Variants in SYNE2 observed in about 807,000 individuals in gnomAD.
SYNE2 encodes nesprin-2.
A neutral mutation model predicts 856.3 loss-of-function variants in SYNE2; 431 were observed. The observed-to-expected ratio is 0.50, with a 90% CI of 0.47 to 0.55. The LOEUF is 0.55. Among genes scored for constraint, SYNE2 ranks in the 20% least tolerant of loss-of-function variants. SYNE2 has a pLI of 0.00. For synonymous variants in SYNE2, 2,923 were observed against 2,872.3 expected (o/e 1.02, Z -0.56); for missense variants, 8,129 against 8,023.2 (o/e 1.01, Z -0.50).
intron 113 of SYNE2, 45 bp from the exon 114 acceptor site, chr14:64,224,416 C>T (rs751477666): frequency 1.0e-5 from 16 of 1,549,668 alleles, no homozygotes; most frequent in African/African-American, 2.7e-5. Flanking sequence ...GAAGAATATG[C>T]ATGAAACACA....
intron 1 of SYNE2, among the ~76,000 whole-genome samples, chr14:63,801,014 A>T (rs181524521): frequency 1.3e-5 from 2 of 152,370 alleles, no homozygotes; most frequent in East Asian, 3.9e-4. Context: ...TCAAGGAATT[A>T]TGAAGATAAG....
chr14:63,891,533 T>C (rs1595469121), intron 1 of SYNE2, among the ~76,000 whole-genome samples: 1 of 152,074 alleles, frequency 6.6e-6, no homozygotes, highest in African/African-American at 2.4e-5. Context: ...ATTTCCTTTA[T>C]ACATGTAAAT....
rs2097779175 is a variant in SYNE2 at position 64,107,489 on chromosome 14, A to G, written c.12493-2A>G. 6.2e-7 allele frequency: 1 copy of G among 1,613,194 alleles called. No individual in the cohort carries two copies. The highest frequency in any genetic ancestry group is 8.5e-7 in the Non-Finnish European group (1 of 1,179,104). ...CTGGAGCTCTGATTCTTTTCTTTAC[A>G]GGAAGCATATGGGAAAATAAGCACC... On this transcript the variant is annotated splice_acceptor_variant, in intron 64 of 115. Transcript: ENST00000555002. LOFTEE classifies it high-confidence loss of function.
chr14:64,159,178 C>A, intron 86 of SYNE2, 134 bp from the exon 87 acceptor site: 1 of 1,239,536 alleles, frequency 8.1e-7, no homozygotes, highest in Non-Finnish European at 1.2e-6. Flanking sequence ...GTTTTCTTCA[C>A]ATTCCTAATA....
chr14:64,124,377 ATTTTTTT>A (rs372149959), intron 70 of SYNE2, among the ~76,000 whole-genome samples: 4 of 130,102 alleles, frequency 3.1e-5, no homozygotes, highest in Non-Finnish European at 6.7e-5. Flanking sequence ...TTTTTGTATA[ATTTTTTT>A]TTTTTTTTTT....
intron 1 of SYNE2, among the ~76,000 whole-genome samples, chr14:63,790,345 AAAAG>A (rs1420439654): frequency 6.6e-6 from 1 of 152,038 alleles, no homozygotes; most frequent in Non-Finnish European, 1.5e-5. Flanking sequence ...CAAAAAAAGA[AAAAG>A]GAAGGAAAGA....
At chr14:64,216,111 A>T (rs1308096144) in intron 107 of SYNE2, 137 bp from the exon 108 acceptor site, 3 of 1,548,326 alleles carry the variant, frequency 1.9e-6, no homozygotes, top group Admixed American at 1.9e-5. Context: ...CTTCTGGGAC[A>T]TACTGACATT....
chr14:64,089,064 A>T (rs184678681), intron 58 of SYNE2, among the ~76,000 whole-genome samples: 1 of 152,090 alleles, frequency 6.6e-6, no homozygotes, highest in Non-Finnish European at 1.5e-5. Flanking sequence ...TCATTTTCTT[A>T]TAAAGTTTTG....
At chr14:64,167,915 C>T (rs145034011) in intron 92 of SYNE2, among the ~76,000 whole-genome samples, 2 of 152,338 alleles carry the variant, frequency 1.3e-5, no homozygotes, top group Non-Finnish European at 2.9e-5. Context: ...AAAATGCAAA[C>T]ATTATACCAT....
intron 1 of SYNE2, among the ~76,000 whole-genome samples, chr14:63,765,686 A>G (rs1019649766): frequency 3.3e-5 from 5 of 152,208 alleles, no homozygotes; most frequent in Non-Finnish European, 7.3e-5. Flanking sequence ...AAAAACAACA[A>G]GAAATATGAA....
chr14:63,842,985 A>G (rs1482912241), intron 1 of SYNE2, among the ~76,000 whole-genome samples: 2 of 151,600 alleles, frequency 1.3e-5, no homozygotes, highest in Non-Finnish European at 1.5e-5. Context: ...TAAATCTTCT[A>G]TCTTGTTGTT....
At chr14:63,994,423 T>C (rs2153491376) in intron 22 of SYNE2, among the ~76,000 whole-genome samples, 1 of 152,320 alleles carries the variant, frequency 6.6e-6, no homozygotes, top group Admixed American at 6.5e-5. Flanking sequence ...TTAAGGATCC[T>C]CCTAAAACTC....
chr14:64,064,084 A>G (rs2097338820), intron 50 of SYNE2, among the ~76,000 whole-genome samples: 1 of 152,226 alleles, frequency 6.6e-6, no homozygotes, highest in South Asian at 2.1e-4. Context: ...TTGTAATGAC[A>G]TGAGACTATA....
rs35015201 is a variant in SYNE2, at chr14:63,779,439, C to CAA, written c.-305+17469_-305+17470dup. On this transcript the variant is annotated intron_variant, in intron 1 of 23. Transcript: ENST00000674003. ...TCTCACTACTGCGCTTGACTGGTCTCAAAAAAAAAAAAAAAAAGCTAGAAA... is the reference window on the plus strand; with the variant it reads ...TCTCACTACTGCGCTTGACTGGTCTCAAAAAAAAAAAAAAAAAAAGCTAGAAA... Among the ~76,000 whole-genome samples, 1,068 of 118,202 alleles carry CAA rather than the reference C, an allele frequency of 9.0e-3. 19 individuals are homozygous for CAA. Among genetic ancestry groups the CAA allele is most frequent in the African/African-American group, 0.029 (824 of 28,498 alleles). The allele number at this position is 118,202 out of a possible 152,430, so 77.5% of individuals were successfully genotyped here.
intron 57 of SYNE2, chr14:64,085,191 G>A (rs899123769): frequency 3.7e-6 from 2 of 540,436 alleles, no homozygotes; most frequent in Middle Eastern, 4.9e-4. Context: ...TCCCACCTTA[G>A]CCTCCCAGGT....
chr14:64,024,238 AC>A lies in SYNE2; in HGVS notation c.5638-18del. On this transcript the variant is annotated intron_variant, in intron 38 of 115. Transcript: ENST00000555002. ...CAGACTTGCCAGGAGATTGTAATGG[AC>A]TTTTTGTCTTTCTGAAGGATTTCTT... 1 of 1,612,760 alleles carries A rather than the reference AC, an allele frequency of 6.2e-7. No individual in the cohort carries two copies. The highest frequency in any genetic ancestry group is 1.3e-5 in the African/African-American group (1 of 75,012).
At chr14:63,992,296 A>G (rs1025510881) in intron 21 of SYNE2, among the ~76,000 whole-genome samples, 1 of 151,858 alleles carries the variant, frequency 6.6e-6, no homozygotes, top group Non-Finnish European at 1.5e-5. Context: ...TTTTTCTTAG[A>G]GACAGGGTCT....
chr14:64,221,700 TAATGGTA>T lies in SYNE2; in HGVS notation c.20188_20190+4del, dbSNP rs772660215. ...GCTCTCCTAGAGTGTCGGAGGGAAC[TAATGGTA>T]AGTTTCCTCCCAAGGGCTCTGTACT... On this transcript the variant is annotated splice_donor_variant and splice_donor_region_variant and coding_sequence_variant and intron_variant, in exon 112 of 116. Transcript: ENST00000555002. LOFTEE classifies it high-confidence loss of function. The T allele has an allele frequency of 4.3e-6, 7 of 1,614,016 alleles. No individual in the cohort carries two copies. The highest frequency in any genetic ancestry group is 5.1e-6 in the Non-Finnish European group (6 of 1,180,030).
chr14:63,883,243 G>A (rs969082831), intron 1 of SYNE2, among the ~76,000 whole-genome samples: 4 of 152,056 alleles, frequency 2.6e-5, no homozygotes, highest in Non-Finnish European at 5.9e-5. Context: ...ATTTTTAGTA[G>A]AGACGTGGTT....
Sources: gnomAD v4.1 joint callset for allele counts (sites outside exome capture counted in the v4.1 genomes callset) on GRCh38, gnomAD v4.1.1 for gene constraint, MANE v1.5 for transcripts, NCBI Gene and HGNC (gene_info 2026-07-23, HGNC 2026-07-21) for gene names.